The following ESCO2 variants were observed in gnomAD, a reference collection of about 807,000 sequenced individuals.
ESCO2 encodes the protein N-acetyltransferase ESCO2.
A neutral mutation model predicts 61.7 loss-of-function variants in ESCO2; 51 were observed. That is an observed-to-expected ratio of 0.83 (90% CI 0.66 to 1.04). The LOEUF (loss-of-function observed/expected upper bound fraction) is 1.04, where lower values mean the gene tolerates loss of function less well. Ranked by LOEUF, ESCO2 falls within the 50% of genes least tolerant of loss-of-function variation. ESCO2 has a pLI of 0.00. For missense variants in ESCO2, 692 were observed against 686.2 expected, an observed-to-expected ratio of 1.01 and a Z score of -0.09; for synonymous variants, 230 against 238.2, an observed-to-expected ratio of 0.97 and a Z score of 0.32.
In ESCO2 at chr8:27,780,209, TA is replaced by T. The variant is rs1211790418; in HGVS notation, c.900del (p.Val301LeufsTer40). The T allele has an allele frequency of 6.2e-7, 1 of 1,612,132 alleles. No homozygotes were observed. Among genetic ancestry groups the T allele is most frequent in the Non-Finnish European group, 8.5e-7 (1 of 1,178,730 alleles). ...ATGACAGAGTTTCTTCAAAGGAACA[TA>T]AAGTTGATAAAAATGAGGCTTTTTC... ...SDDRVSSKEH[K>X]VDKNEAFSSE... is the part of the protein sequence containing the mutation. On this transcript the variant is annotated frameshift_variant, in exon 4 of 11. Transcript: ENST00000305188. LOFTEE classifies it high-confidence loss of function.
chr8:27,790,738 A>G (rs941119204), intron 7 of ESCO2, among the ~76,000 whole-genome samples: 3 of 152,164 alleles, frequency 2.0e-5, no homozygotes, highest in African/African-American at 4.8e-5. Flanking sequence ...ATGGATCCTT[A>G]TATTTTTCCT....
intron 3 of ESCO2, 74 bp from the exon 4 acceptor site, chr8:27,780,100 T>G (rs1804890104): frequency 1.2e-6 from 1 of 837,336 alleles, no homozygotes; most frequent in African/African-American, 1.7e-5. Context: ...TAGAAATAGA[T>G]CTGCTGGGAT....
At chr8:27,799,323 G>A (rs912098823) in intron 9 of ESCO2, among the ~76,000 whole-genome samples, 2 of 152,110 alleles carry the variant, frequency 1.3e-5, no homozygotes, top group Non-Finnish European at 1.5e-5. Context: ...GTCTCGTAAT[G>A]CTATGGGACA....
chr8:27,779,610 C>T (rs1804876922), intron 3 of ESCO2: 1 of 152,546 alleles, frequency 6.6e-6, no homozygotes, highest in African/African-American at 2.4e-5. Context: ...TGTAATCATT[C>T]TGCCATCTCT....
intron 9 of ESCO2, among the ~76,000 whole-genome samples, chr8:27,793,816 G>T (rs555039087): frequency 6.6e-6 from 1 of 152,212 alleles, no homozygotes; most frequent in Admixed American, 6.5e-5. Context: ...ATTAGCTGCA[G>T]TCATGCCATA....
At chr8:27,796,883 G>A (rs1431018861) in intron 9 of ESCO2, among the ~76,000 whole-genome samples, 1 of 152,198 alleles carries the variant, frequency 6.6e-6, no homozygotes, top group Non-Finnish European at 1.5e-5. Context: ...CACTTTGGGA[G>A]GCTGAGGCAG....
intron 3 of ESCO2, chr8:27,779,542 G>T (rs571040619): frequency 6.6e-6 from 1 of 152,278 alleles, no homozygotes; most frequent in South Asian, 2.1e-4. Flanking sequence ...TGGCTGCTGG[G>T]GAAACTTTTG....
At chr8:27,802,442 A>C (rs1209480894) in intron 10 of ESCO2, among the ~76,000 whole-genome samples, 6 of 149,884 alleles carry the variant, frequency 4.0e-5, no homozygotes, top group Admixed American at 4.0e-4. Flanking sequence ...CTAAAAAAAA[A>C]TAAATAAATA....
intron 10 of ESCO2, among the ~76,000 whole-genome samples, chr8:27,800,631 A>C (rs1805402394): frequency 6.6e-6 from 1 of 152,214 alleles, no homozygotes; most frequent in Non-Finnish European, 1.5e-5. Context: ...AAACATGTCC[A>C]CACAAAACCT....
Position 27,792,000 on chromosome 8 carries a change from A to T in ESCO2, c.1301A>T (p.Asp434Val). 3.7e-6 allele frequency: 6 copies of T among 1,614,010 alleles called. No individual in the cohort carries two copies. The highest frequency in any genetic ancestry group is 5.1e-6 in the Non-Finnish European group (6 of 1,179,992). The stretch of plus-strand genomic sequence containing the variant: ...GAACGTGTAGTAGCAGAGTTTTGGG[A>T]TGGGAAAATCGTGTTGGTTCTGCCA... ...KKERVVAEFW[D>V]GKIVLVLPHD... is the part of the protein sequence containing the mutation. Residue 434 changes from aspartate (D) to valine (V), a missense_variant, in exon 8 of 11, where the codon GAT becomes GTT. Asp to Val is a radical substitution (Grantham distance 152). Coordinates refer to ENST00000305188, the MANE Select transcript of ESCO2 (RefSeq NM_001017420.3).
chr8:27,772,598 C>A, upstream of ESCO2: 2 of 1,522,584 alleles, frequency 1.3e-6, no homozygotes, highest in Non-Finnish European at 1.8e-6. Flanking sequence ...ACTCACGAAG[C>A]TCAGGATACC....
At chr8:27,811,730 T>A (rs1805688600), downstream of ESCO2, among the ~76,000 whole-genome samples, 1 of 152,192 alleles carries the variant, frequency 6.6e-6, no homozygotes, top group Non-Finnish European at 1.5e-5. Flanking sequence ...TGGATCAATT[T>A]AGTAAGCATT....
chr8:27,782,983 AT>A (rs144108016), intron 4 of ESCO2, among the ~76,000 whole-genome samples: 5 of 150,840 alleles, frequency 3.3e-5, no homozygotes, highest in Admixed American at 6.6e-5. Context: ...ATTTATATGT[AT>A]TTTTTTTTCT....
rs1805515929 is a variant in ESCO2, at chr8:27,804,271, G to C, written c.*833G>C. 1 of 984,650 alleles carries C rather than the reference G, an allele frequency of 1.0e-6. No homozygotes were observed. Among genetic ancestry groups the C allele is most frequent in the Non-Finnish European group, 1.2e-6 (1 of 829,230 alleles). The allele number at this position is 984,650 out of a possible 1,614,324, so 61.0% of individuals were successfully genotyped here. On this transcript the variant is annotated 3_prime_UTR_variant, in exon 11 of 11. Transcript: ENST00000305188. The stretch of plus-strand genomic sequence containing the variant: ...TACTTAGTAATTGCACTATTACTTA[G>C]TTAATTTTTGTTGTATGGAAATATT...
rs1804811026 is a variant in ESCO2, at chr8:27,777,081, G to C, written c.773G>C (p.Arg258Thr). Reference sequence around the variant, plus strand: ...AGTGAAAAAAAAACTTTTGCGACAAGGCAAGTGCCAAAGTGCTTGGTCCTA... The same window carrying C: ...AGTGAAAAAAAAACTTTTGCGACAACGCAAGTGCCAAAGTGCTTGGTCCTA... ...TVSEKKTFAT[R>T]QVPKCLVLEE... Residue 258 changes from arginine (R) to threonine (T), a missense_variant, in exon 3 of 11, where the codon AGG becomes ACG. Transcript: ENST00000305188. 1 of 1,604,224 alleles carries C rather than the reference G, an allele frequency of 6.2e-7. No individual in the cohort carries two copies. Among genetic ancestry groups the C allele is most frequent in the Admixed American group, 1.7e-5 (1 of 57,442 alleles).
At chr8:27,787,045 T>G (rs111335106) in intron 5 of ESCO2, among the ~76,000 whole-genome samples, 3 of 152,126 alleles carry the variant, frequency 2.0e-5, no homozygotes, top group Non-Finnish European at 4.4e-5. Flanking sequence ...CATGTGCTAT[T>G]CCAAGTTCGA....
intron 3 of ESCO2, 178 bp downstream of exon 3, chr8:27,777,347 C>A: frequency 1.7e-6 from 1 of 575,558 alleles, no homozygotes; most frequent in Non-Finnish European, 2.8e-6. Context: ...TCTTTATGAC[C>A]CAGGCTGTAG....
intron 9 of ESCO2, 100 bp downstream of exon 9, chr8:27,792,911 C>A: frequency 1.6e-6 from 2 of 1,241,572 alleles, no homozygotes; most frequent in Non-Finnish European, 2.2e-6. Context: ...ATTAATGACA[C>A]TCTTCCTACT....
rs752038951 is a variant in ESCO2, at chr8:27,803,344, A to T, written c.1712A>T (p.Glu571Val). ...TTTGGCTGTTTTCTCAGCACTGATGAAATAGCATTTTCTGACCCAACACCA... is the reference window on the plus strand; with the variant it reads ...TTTGGCTGTTTTCTCAGCACTGATGTAATAGCATTTTCTGACCCAACACCA... ...FMFGCFLSTD[E>V]IAFSDPTPDG... Residue 571 changes from glutamate (E) to valine (V), a missense_variant, in exon 11 of 11, where the codon GAA (glutamate) becomes GTA (valine). Physicochemically the swap from Glu to Val is moderately radical, Grantham distance 121. Coordinates refer to ENST00000305188, the MANE Select transcript of ESCO2 (RefSeq NM_001017420.3). The T allele has an allele frequency of 6.2e-7, 1 of 1,613,882 alleles. No individual in the cohort carries two copies. Among genetic ancestry groups the T allele is most frequent in the African/African-American group, 1.3e-5 (1 of 74,868 alleles).
Sources: allele counts gnomAD v4.1 joint callset (sites outside exome capture counted in the v4.1 genomes callset), GRCh38; gene constraint gnomAD v4.1.1; transcripts MANE v1.5; gene names NCBI Gene and HGNC (gene_info 2026-07-23, HGNC 2026-07-21).